MYO5A: variants seen among roughly 807,000 people sequenced by gnomAD.
The protein encoded by MYO5A is unconventional myosin-Va.
MYO5A carries 98 observed loss-of-function variants against 249.7 expected under a neutral mutation model. The observed-to-expected ratio is 0.39, with a 90% CI of 0.33 to 0.46. The LOEUF is 0.46. Among genes scored for constraint, MYO5A ranks in the 20% least tolerant of loss-of-function variants. The pLI is 0.98. For synonymous variants in MYO5A, 778 were observed against 810.6 expected, an observed-to-expected ratio of 0.96 and a Z score of 0.68; for missense variants, 1,696 against 2,308.8, an observed-to-expected ratio of 0.73 and a Z score of 5.44.
At chr15:52,398,501 G>A (rs578251062) in intron 9 of MYO5A, among the ~76,000 whole-genome samples, 8 of 152,142 alleles carry the variant, frequency 5.3e-5, no homozygotes, top group Non-Finnish European at 1.2e-4. Context: ...GGCAATTGAT[G>A]TCAGAGTTGG....
intron 1 of MYO5A, among the ~76,000 whole-genome samples, chr15:52,471,311 A>T (rs1019143121): frequency 2.6e-5 from 4 of 152,054 alleles, no homozygotes; most frequent in African/African-American, 9.7e-5. Context: ...GTGCATTAAA[A>T]ATCAGTTCGG....
chr15:52,372,211 G>C lies in MYO5A; in HGVS notation c.2730C>G (p.Ile910Met). 1 of 1,613,476 alleles carries C rather than the reference G, an allele frequency of 6.2e-7. No homozygotes were observed. Among genetic ancestry groups the C allele is most frequent in the Middle Eastern group, 1.8e-4 (1 of 5,628 alleles). ...TATAGCGCTCCACTGAGCGAGCCTC[G>C]ATTTTGAGCTTCTTTAGCTCACGCT... is the stretch of plus-strand genomic sequence containing the variant. ...MAKRELKKLK[I>M]EARSVERYKK... The change falls in exon 21 of 42, where the codon ATC becomes ATG. Residue 910 changes from isoleucine to methionine, a missense_variant. Physicochemically the swap from Ile to Met is conservative, Grantham distance 10. Coordinates refer to ENST00000399233, the MANE Select transcript of MYO5A (RefSeq NM_001382347.1).
chr15:52,362,414 T>C (rs1439912947), intron 24 of MYO5A, among the ~76,000 whole-genome samples: 1 of 152,214 alleles, frequency 6.6e-6, no homozygotes, highest in Non-Finnish European at 1.5e-5. Flanking sequence ...AATAAGATAT[T>C]GTCACTAATA....
intron 36 of MYO5A, among the ~76,000 whole-genome samples, chr15:52,325,023 T>A (rs1567020606): frequency 6.6e-6 from 1 of 152,186 alleles, no homozygotes. Flanking sequence ...TTTATTACTT[T>A]CCCAAACACA....
rs1395577226 is a variant in MYO5A at position 52,351,594 on chromosome 15, AC to A, written c.3622-114del. 10 of 1,047,246 alleles carry A rather than the reference AC, an allele frequency of 9.5e-6. No homozygotes were observed. In the African/African-American group the frequency reaches 1.6e-4, roughly 16 times the overall value. 64.9% of individuals were successfully genotyped at this position (1,047,246 alleles called of 1,614,324 possible). On this transcript the variant is annotated intron_variant, in intron 27 of 41. Transcript: ENST00000399233. ...TCTGCTGAAAAAGTTCATCAGAGTT[AC>A]CCTAGTGAATGGCTTCCTAGGTTCT...
chr15:52,519,522 G>A (rs1253517793), intron 1 of MYO5A, among the ~76,000 whole-genome samples: 1 of 151,982 alleles, frequency 6.6e-6, no homozygotes, highest in African/African-American at 2.4e-5. Context: ...TGAGCTGGGA[G>A]GGCTGCTTGA....
chr15:52,433,820 T>G (rs571797687), intron 1 of MYO5A, among the ~76,000 whole-genome samples: 3 of 152,152 alleles, frequency 2.0e-5, no homozygotes, highest in South Asian at 2.1e-4. Flanking sequence ...AAAACAGTTA[T>G]GATCAAAGCT....
chr15:52,332,298 G>C (rs2038927347), intron 34 of MYO5A, among the ~76,000 whole-genome samples: 1 of 152,176 alleles, frequency 6.6e-6, no homozygotes. Flanking sequence ...ATGAAATACA[G>C]TATTTTATGT....
At chr15:52,329,577 G>C (rs1210296929) in intron 35 of MYO5A, among the ~76,000 whole-genome samples, 2 of 152,150 alleles carry the variant, frequency 1.3e-5, no homozygotes, top group Non-Finnish European at 2.9e-5. Context: ...TCCTTTGTTA[G>C]AATCTTTTCC....
intron 1 of MYO5A, among the ~76,000 whole-genome samples, chr15:52,485,207 T>G (rs2076792578): frequency 6.8e-6 from 1 of 146,864 alleles, no homozygotes; most frequent in Non-Finnish European, 1.5e-5. Context: ...CTACTAAAGA[T>G]CTGTAAATGA....
chr15:52,432,796 C>T (rs1326861649), intron 2 of MYO5A, among the ~76,000 whole-genome samples: 1 of 152,158 alleles, frequency 6.6e-6, no homozygotes, highest in African/African-American at 2.4e-5. Flanking sequence ...CTCAGTTTTG[C>T]TCTCCATGCT....
chr15:52,526,817 G>A (rs1312224637), intron 1 of MYO5A, among the ~76,000 whole-genome samples: 2 of 151,926 alleles, frequency 1.3e-5, no homozygotes, highest in East Asian at 1.9e-4. Context: ...AATTATCCTG[G>A]GGGAAAAAAG....
chr15:52,468,783 T>C (rs1331538121), intron 1 of MYO5A, among the ~76,000 whole-genome samples: 1 of 152,258 alleles, frequency 6.6e-6, no homozygotes. Context: ...TTTTCATATA[T>C]TGGTGATGGA....
chr15:52,501,909 ACT>A (rs2062537433), intron 1 of MYO5A, among the ~76,000 whole-genome samples: 1 of 143,122 alleles, frequency 7.0e-6, no homozygotes, highest in Non-Finnish European at 1.5e-5. Context: ...ACACACACAC[ACT>A]GTATTTTACT....
At chr15:52,406,217 T>C (rs1034277643) in intron 8 of MYO5A, among the ~76,000 whole-genome samples, 1 of 152,218 alleles carries the variant, frequency 6.6e-6, no homozygotes, top group African/African-American at 2.4e-5. Flanking sequence ...GGTAATTCAG[T>C]AATGACCCTA....
chr15:52,355,603 G>C (rs2040179965), intron 25 of MYO5A, among the ~76,000 whole-genome samples: 1 of 151,980 alleles, frequency 6.6e-6, no homozygotes, highest in African/African-American at 2.4e-5. Context: ...ATATTGTCTT[G>C]GGTATTACAA....
intron 21 of MYO5A, among the ~76,000 whole-genome samples, chr15:52,371,207 C>T (rs1402679207): frequency 5.3e-5 from 8 of 152,214 alleles, no homozygotes; most frequent in East Asian, 1.9e-4. Context: ...CTCCCTCCCA[C>T]TCAGAAAATC....
rs2039948051 is a variant in MYO5A at position 52,351,465 on chromosome 15, G to A, written c.3638C>T (p.Ser1213Leu). ...CTCATTCTTCAGTTTTTTGTTTTCT[G>A]ATTCTAGTTCTTGACGCTGTATGAA... ...YESLKRQELE[S>L]ENKKLKNELN... Residue 1213 changes from serine to leucine, a missense_variant, in exon 28 of 42, where the codon TCA (serine) becomes TTA (leucine). Ser to Leu is a moderately radical substitution (Grantham distance 145). Around this residue, in one of 5 missense-constraint regions of MYO5A, gnomAD observed 625 missense variants for 908.1 expected, o/e 0.69. Transcript: ENST00000399233. 3 of 1,613,994 alleles carry A rather than the reference G, an allele frequency of 1.9e-6. No homozygotes were observed. Among genetic ancestry groups the A allele is most frequent in the Non-Finnish European group, 2.5e-6 (3 of 1,179,994 alleles).
intron 1 of MYO5A, among the ~76,000 whole-genome samples, chr15:52,496,066 A>C (rs572744281): frequency 6.9e-6 from 1 of 145,428 alleles, no homozygotes; most frequent in South Asian, 2.3e-4. Flanking sequence ...TAGAACTTAA[A>C]GTATAATTTT....
Sources: allele counts gnomAD v4.1 joint callset (sites outside exome capture counted in the v4.1 genomes callset), GRCh38; gene constraint gnomAD v4.1.1; regional missense constraint gnomAD v4.1.1; transcripts MANE v1.5; gene names NCBI Gene and HGNC (gene_info 2026-07-23, HGNC 2026-07-21).